ADISSP: variants seen among roughly 807,000 people sequenced by gnomAD.
ADISSP encodes adipose-secreted signaling protein.
At chr20:3,757,117 G>A in the ADISSP span, among the ~76,000 whole-genome samples, 86 of 152,258 alleles carry the variant, frequency 5.6e-4, no homozygotes, top group African/African-American at 1.8e-3. Flanking sequence ...TTGGGAGGCC[G>A]ACACGGACGG....
chr20:3,768,243 G>A, the ADISSP span: 1 of 152,220 alleles, frequency 6.6e-6, no homozygotes, highest in Non-Finnish European at 1.5e-5. Flanking sequence ...TTCAGGAGCT[G>A]AGGAACCCTC....
At chr20:3,758,625 C>A in the ADISSP span, 1 of 1,614,104 alleles carries the variant, frequency 6.2e-7, no homozygotes, top group East Asian at 2.2e-5. The surrounding 1 kb of genome is among the most constrained non-coding windows in gnomAD (Gnocchi z 5.5). Context: ...CTGTGGGATC[C>A]TTCTGCATCG....
chr20:3,760,109 T>A, the ADISSP span: 1 of 1,609,100 alleles, frequency 6.2e-7, no homozygotes, highest in East Asian at 2.2e-5. Flanking sequence ...ATGGACGCCC[T>A]CCCTGCCACG....
At chr20:3,766,512 C>G in the ADISSP span, among the ~76,000 whole-genome samples, 55 of 152,354 alleles carry the variant, frequency 3.6e-4, 1 homozygote, top group Non-Finnish European at 6.2e-4. Context: ...GCCTCCCCAA[C>G]AAGTGCTGCC....
chr20:3,757,078 T>C, the ADISSP span, among the ~76,000 whole-genome samples: 1 of 144,002 alleles, frequency 6.9e-6, no homozygotes, highest in Non-Finnish European at 1.5e-5. Flanking sequence ...AAGCCAGGTG[T>C]GGTGGCTCAC....
chr20:3,757,859 G>A, the ADISSP span, among the ~76,000 whole-genome samples: 1 of 151,974 alleles, frequency 6.6e-6, no homozygotes, highest in Non-Finnish European at 1.5e-5. Context: ...GGCCCCTTTT[G>A]AGCAGCGCAG....
the ADISSP span, chr20:3,754,409 C>T: frequency 6.2e-7 from 1 of 1,613,734 alleles, no homozygotes; most frequent in Admixed American, 1.7e-5. Context: ...ATGACGCGGG[C>T]CTGCACCGTC....
chr20:3,756,536 C>A, the ADISSP span, among the ~76,000 whole-genome samples: 2 of 152,208 alleles, frequency 1.3e-5, no homozygotes, highest in Non-Finnish European at 2.9e-5. Context: ...GCAGCCCCAT[C>A]CCTGGGGGCC....
chr20:3,764,099 G>C, the ADISSP span, among the ~76,000 whole-genome samples: 3 of 152,332 alleles, frequency 2.0e-5, no homozygotes, highest in East Asian at 3.9e-4. Flanking sequence ...TTGTCCCCAG[G>C]GAACTTGGTC....
At chr20:3,761,121 C>T in the ADISSP span, among the ~76,000 whole-genome samples, 45 of 152,282 alleles carry the variant, frequency 3.0e-4, no homozygotes, top group African/African-American at 8.4e-4. Context: ...AACCAAATTG[C>T]CCTGGTGGTT....
chr20:3,756,627 G>GC, the ADISSP span, among the ~76,000 whole-genome samples: 3 of 152,142 alleles, frequency 2.0e-5, no homozygotes, highest in Non-Finnish European at 4.4e-5. Context: ...CAATCCATGT[G>GC]CCCCCCTCAT....
At chr20:3,758,634 C>T in the ADISSP span, 5 of 1,614,048 alleles carry the variant, frequency 3.1e-6, no homozygotes, top group East Asian at 2.2e-5. This position sits in a 1 kb window ranked among gnomAD's most constrained non-coding sequence, Gnocchi z 5.5. Context: ...CCTTCTGCAT[C>T]GTGGCCTGCC....
chr20:3,761,525 A>G, the ADISSP span, among the ~76,000 whole-genome samples: 1 of 152,050 alleles, frequency 6.6e-6, no homozygotes, highest in African/African-American at 2.4e-5. Flanking sequence ...TAGTAGAGAC[A>G]GGGTTTCACC....
chr20:3,760,176 C>T, the ADISSP span: 1 of 1,233,214 alleles, frequency 8.1e-7, no homozygotes, highest in Non-Finnish European at 1.2e-6. Context: ...TCCAGGGACA[C>T]CAGCGGGAGC....
the ADISSP span, chr20:3,768,036 C>G: frequency 1.3e-5 from 2 of 152,500 alleles, no homozygotes; most frequent in Non-Finnish European, 2.9e-5. Flanking sequence ...CGGATAGGCC[C>G]CGCCCCCGCT....
the ADISSP span, chr20:3,767,112 T>G: frequency 0.092 from 13,996 of 151,990 alleles, 842 homozygotes; most frequent in South Asian, 0.23. Flanking sequence ...AGGGGGGAAA[T>G]GTAATCGGAC....
the ADISSP span, among the ~76,000 whole-genome samples, chr20:3,757,858 T>C: frequency 1.3e-5 from 2 of 152,042 alleles, no homozygotes; most frequent in Non-Finnish European, 2.9e-5. Flanking sequence ...GGGCCCCTTT[T>C]GAGCAGCGCA....
At chr20:3,757,589 G>C in the ADISSP span, among the ~76,000 whole-genome samples, 1 of 152,144 alleles carries the variant, frequency 6.6e-6, no homozygotes, top group Non-Finnish European at 1.5e-5. Flanking sequence ...GGGAACTTCA[G>C]AGTTGGACAG....
At chr20:3,757,667 T>C in the ADISSP span, among the ~76,000 whole-genome samples, 23 of 152,204 alleles carry the variant, frequency 1.5e-4, no homozygotes, top group Non-Finnish European at 2.1e-4. Context: ...GTCTTTCTGT[T>C]GCCCAGGCTG....
Sources: gnomAD v4.1 joint callset for allele counts (sites outside exome capture counted in the v4.1 genomes callset) on GRCh38, gnomAD v4.1.1 for gene constraint, Gnocchi (gnomAD v3.1) non-coding constraint, MANE v1.5 for transcripts, NCBI Gene and HGNC (gene_info 2026-07-23, HGNC 2026-07-21) for gene names.